Variants in RBFOX3 observed in about 807,000 individuals in gnomAD.
RBFOX3 encodes the protein RNA binding protein fox-1 homolog 3.
Under a neutral mutation model 48.7 loss-of-function variants are expected in RBFOX3, and 17 were observed. The ratio of observed to expected loss-of-function variants is 0.35; its 90% CI spans 0.24 to 0.52. The LOEUF (loss-of-function observed/expected upper bound fraction) is 0.52, where lower values mean the gene tolerates loss of function less well. Ranked by LOEUF, RBFOX3 falls within the 20% of genes least tolerant of loss-of-function variation. The pLI is 0.94. For missense variants in RBFOX3, 382 were observed against 497.5 expected, an observed-to-expected ratio of 0.77 and a Z score of 2.21; for synonymous variants, 212 against 209.5, an observed-to-expected ratio of 1.01 and a Z score of -0.10.
intron 1 of RBFOX3, among the ~76,000 whole-genome samples, chr17:79,575,340 G>A (rs1350065716): frequency 2.6e-5 from 4 of 152,308 alleles, no homozygotes; most frequent in Admixed American, 2.6e-4. Flanking sequence ...GAGTGAGGGA[G>A]ACAAAGGGGC....
At position 79,392,699 on chromosome 17, in the gene RBFOX3, T is replaced by C. The variant is rs983400695; in HGVS notation, c.-174-84875A>G. ...TGGCAAGCATCGGGCAGTGGCTCTA[T>C]GAGCTTGGGTCCTGAGTGAGGGCAA... On this transcript the variant is annotated intron_variant, in intron 2 of 14. Coordinates refer to ENST00000693108, the MANE Select transcript of RBFOX3 (RefSeq NM_001350451.2). This position sits in a 1 kb window ranked among gnomAD's most constrained non-coding sequence, Gnocchi z 5.0. Among the ~76,000 whole-genome samples, 3 of 152,154 alleles carry C rather than the reference T, an allele frequency of 2.0e-5. No individual in the cohort carries two copies. Among genetic ancestry groups the C allele is most frequent in the African/African-American group, 7.2e-5 (3 of 41,414 alleles).
At chr17:79,478,442 T>G (rs1185646411) in intron 2 of RBFOX3, among the ~76,000 whole-genome samples, 3 of 152,236 alleles carry the variant, frequency 2.0e-5, no homozygotes, top group African/African-American at 7.2e-5. Flanking sequence ...CCCCATGGCA[T>G]GCGCGGCAGC....
rs1425738548 is a variant in RBFOX3, at chr17:79,247,788, G to T, written c.-73-11983C>A. On this transcript the variant is annotated intron_variant, in intron 3 of 14. Transcript: ENST00000693108. Reference sequence around the variant, plus strand: ...CTGTGCTTGGAACTTAGATCTGGCGGTTGATCCATGTTCTGAGTCAAGCTG... The same window carrying T: ...CTGTGCTTGGAACTTAGATCTGGCGTTTGATCCATGTTCTGAGTCAAGCTG... Among the ~76,000 whole-genome samples the T allele has an allele frequency of 3.3e-5, 5 of 152,230 alleles. No homozygotes were observed. In the South Asian group the frequency reaches 1.0e-3, roughly 31 times the overall value.
chr17:79,128,941 A>G (rs534357941), intron 4 of RBFOX3, among the ~76,000 whole-genome samples: 28 of 152,192 alleles, frequency 1.8e-4, no homozygotes, highest in Admixed American at 1.8e-3. Context: ...GGCTATGATC[A>G]CAGTGAAGAA....
chr17:79,512,805 G>A (rs2084595097), intron 1 of RBFOX3, among the ~76,000 whole-genome samples: 1 of 145,828 alleles, frequency 6.9e-6, no homozygotes. Flanking sequence ...CGGCCCCATG[G>A]CCAGGGGACG....
At chr17:79,529,844 G>A (rs909987435) in intron 1 of RBFOX3, among the ~76,000 whole-genome samples, 2 of 152,204 alleles carry the variant, frequency 1.3e-5, no homozygotes, top group African/African-American at 4.8e-5. Flanking sequence ...AGCTCCCCCA[G>A]TTCCCCCAGC....
At chr17:79,491,917 T>TA (rs2080732215) in intron 1 of RBFOX3, among the ~76,000 whole-genome samples, 7 of 151,984 alleles carry the variant, frequency 4.6e-5, no homozygotes, top group Admixed American at 4.6e-4. Context: ...CTGTCTCTAC[T>TA]AAAAAACTAC....
intron 2 of RBFOX3, among the ~76,000 whole-genome samples, chr17:79,376,618 C>G (rs925637564): frequency 6.6e-6 from 1 of 152,160 alleles, no homozygotes; most frequent in Non-Finnish European, 1.5e-5. Context: ...CAGCCCACTG[C>G]GTGTTTGCTC....
chr17:79,433,397 T>G (rs1438554910), intron 2 of RBFOX3, among the ~76,000 whole-genome samples: 1 of 152,230 alleles, frequency 6.6e-6, no homozygotes. Flanking sequence ...TTCCCACTTC[T>G]GTCATGTGAC....
At chr17:79,234,804 C>A (rs540993598) in intron 4 of RBFOX3, 2 of 134,864 alleles carry the variant, frequency 1.5e-5, no homozygotes, top group Admixed American at 1.6e-4. Context: ...GTGATCTCAG[C>A]TCATGCAACC....
chr17:79,516,302 G>A (rs1039640275), intron 1 of RBFOX3, among the ~76,000 whole-genome samples: 15 of 152,232 alleles, frequency 9.9e-5, no homozygotes, highest in Non-Finnish European at 1.5e-5. Context: ...GTGGCCATGA[G>A]TTCTATGAAA....
At chr17:79,378,069 G>A (rs1051644254) in intron 2 of RBFOX3, among the ~76,000 whole-genome samples, 1 of 152,184 alleles carries the variant, frequency 6.6e-6, no homozygotes, top group Non-Finnish European at 1.5e-5. Flanking sequence ...GGATTGTGAA[G>A]GCACAAGTGC....
Position 79,579,711 on chromosome 17 carries a change from ATGGTGGGGAGTCACTGGCGCCG to A in RBFOX3, c.-320+31093_-320+31114del, listed in dbSNP as rs1443510616. On this transcript the variant is annotated intron_variant, in intron 1 of 14. Coordinates refer to ENST00000693108, the MANE Select transcript of RBFOX3 (RefSeq NM_001350451.2). Reference sequence around the variant, plus strand: ...CCATGGTGGGGAAGTCACTGGCGCCATGGTGGGGAGTCACTGGCGCCGTGGTGGGGAGTCACTGGCGCCGTGG... The same window carrying A: ...CCATGGTGGGGAAGTCACTGGCGCCATGGTGGGGAGTCACTGGCGCCGTGG... Among the ~76,000 whole-genome samples, 348 of 140,658 alleles carry A rather than the reference ATGGTGGGGAGTCACTGGCGCCG, an allele frequency of 2.5e-3. 3 individuals are homozygous for A. The highest frequency in any genetic ancestry group is 8.6e-3 in the African/African-American group (332 of 38,516). The allele number at this position is 140,658 out of a possible 152,430, so 92.3% of individuals were successfully genotyped here. A position where few individuals can be genotyped will look rare whatever the true frequency, so the allele number is the denominator to read the frequency against.
intron 4 of RBFOX3, among the ~76,000 whole-genome samples, chr17:79,230,130 C>T (rs971090982): frequency 6.6e-6 from 1 of 152,216 alleles, no homozygotes; most frequent in Non-Finnish European, 1.5e-5. Context: ...CAGTGACACG[C>T]AGTGATGATG....
At chr17:79,556,267 G>A (rs948447403) in intron 1 of RBFOX3, among the ~76,000 whole-genome samples, 10 of 152,268 alleles carry the variant, frequency 6.6e-5, no homozygotes, top group Admixed American at 3.9e-4. Flanking sequence ...CTTACTCTGG[G>A]CAGGGCACTG....
At chr17:79,523,226 T>C (rs2086359239) in intron 1 of RBFOX3, among the ~76,000 whole-genome samples, 1 of 152,078 alleles carries the variant, frequency 6.6e-6, no homozygotes, top group Non-Finnish European at 1.5e-5. Context: ...GGGTGGTTGG[T>C]GGTGACAGCT....
intron 4 of RBFOX3, among the ~76,000 whole-genome samples, chr17:79,142,086 C>T (rs142537109): frequency 1.2e-3 from 183 of 152,336 alleles, no homozygotes; most frequent in African/African-American, 4.2e-3. Context: ...TTTGAAACAC[C>T]GTCTGGATGA....
intron 2 of RBFOX3, among the ~76,000 whole-genome samples, chr17:79,353,015 G>A (rs1288736708): frequency 6.6e-6 from 1 of 152,256 alleles, no homozygotes; most frequent in Non-Finnish European, 1.5e-5. Context: ...TGGAACAGGA[G>A]TGAGGATCAC....
the RBFOX3 span, among the ~76,000 whole-genome samples, chr17:79,620,501 A>C: frequency 6.8e-6 from 1 of 147,956 alleles, no homozygotes; most frequent in Non-Finnish European, 1.5e-5. Context: ...ACACGCGCAC[A>C]CACATGCGCA....
Sources: allele counts gnomAD v4.1 joint callset (sites outside exome capture counted in the v4.1 genomes callset), GRCh38; gene constraint gnomAD v4.1.1; non-coding constraint Gnocchi (gnomAD v3.1); transcripts MANE v1.5; gene names NCBI Gene and HGNC (gene_info 2026-07-23, HGNC 2026-07-21).